Variants in FAM219A observed in about 807,000 individuals in gnomAD.
The protein encoded by FAM219A is family with sequence similarity 219 member A, also known as protein FAM219A.
FAM219A carries 7 observed loss-of-function variants against 23.4 expected under a neutral mutation model. The observed-to-expected ratio is 0.30, with a 90% CI of 0.17 to 0.56. The LOEUF (loss-of-function observed/expected upper bound fraction) is 0.56. FAM219A is among the 20% of genes least tolerant of loss of function. The pLI, the probability that FAM219A is intolerant of heterozygous loss-of-function variation, is 0.92. For missense variants in FAM219A, 166 were observed against 246.9 expected (o/e 0.67, Z 2.20); for synonymous variants, 93 against 99.0 (o/e 0.94, Z 0.36).
At chr9:34,438,456 T>G (rs372277431) in intron 1 of FAM219A, among the ~76,000 whole-genome samples, 1 of 152,174 alleles carries the variant, frequency 6.6e-6, no homozygotes, top group Admixed American at 6.5e-5. Context: ...GCTCAGGGAT[T>G]GTAACTACAC....
chr9:34,420,344 C>T (rs1429815020), intron 1 of FAM219A, among the ~76,000 whole-genome samples: 1 of 152,176 alleles, frequency 6.6e-6, no homozygotes, highest in Non-Finnish European at 1.5e-5. Flanking sequence ...CTCTGACATA[C>T]AAGATTGGGC....
In FAM219A at chr9:34,399,688, C is replaced by T. The variant is rs1821352599; in HGVS notation, c.*1276G>A. 1 of 152,148 alleles carries T rather than the reference C, an allele frequency of 6.6e-6. No homozygotes were observed. The highest frequency in any genetic ancestry group is 2.1e-4 in the South Asian group (1 of 4,824). 9.4% of individuals were successfully genotyped at this position (152,148 alleles called of 1,614,324 possible). ...ACTCTTTCAGGTATAAAAGGATCTT[C>T]AACATAATTTCAGCTGCTGTTCATT... On this transcript the variant is annotated 3_prime_UTR_variant, in exon 6 of 6. Coordinates refer to ENST00000651358, the MANE Select transcript of FAM219A (RefSeq NM_001184940.2).
chr9:34,417,941 G>C lies in FAM219A; in HGVS notation c.61-11977C>G, dbSNP rs1822096430. ...GCACTGCCTGGCAACTGGGCACTGT[G>C]CTTTAGCCAGTCCTCACCTGTGCCA... On this transcript the variant is annotated intron_variant, in intron 1 of 5. Transcript: ENST00000651358. This position sits in a 1 kb window ranked among gnomAD's most constrained non-coding sequence, Gnocchi z 4.1. Among the ~76,000 whole-genome samples, 1 of 152,266 alleles carries C rather than the reference G, an allele frequency of 6.6e-6. No homozygotes were observed. Among genetic ancestry groups the C allele is most frequent in the Admixed American group, 6.5e-5 (1 of 15,292 alleles).
At chr9:34,421,165 G>A (rs1306148421) in intron 1 of FAM219A, among the ~76,000 whole-genome samples, 9 of 152,022 alleles carry the variant, frequency 5.9e-5, no homozygotes, top group Admixed American at 5.9e-4. Context: ...GAGGCCTGGG[G>A]GCCAGCCTGG....
chr9:34,406,068 G>T, intron 1 of FAM219A, 104 bp from the exon 2 acceptor site: 1 of 1,190,646 alleles, frequency 8.4e-7, no homozygotes, highest in Non-Finnish European at 1.2e-6. Context: ...GGGCTTCTGT[G>T]AGCATTCACC....
intron 1 of FAM219A, among the ~76,000 whole-genome samples, chr9:34,442,012 T>C (rs1823192938): frequency 6.6e-6 from 1 of 152,190 alleles, no homozygotes; most frequent in African/African-American, 2.4e-5. Flanking sequence ...CCACTATGCC[T>C]AGCCAACTTT....
intron 1 of FAM219A, among the ~76,000 whole-genome samples, chr9:34,440,888 T>C (rs1823145673): frequency 6.6e-6 from 1 of 152,022 alleles, no homozygotes; most frequent in Non-Finnish European, 1.5e-5. Flanking sequence ...AAATGTTATC[T>C]TACTATGTTG....
chr9:34,402,948 C>T (rs1821504843), intron 2 of FAM219A, 141 bp from the exon 3 acceptor site: 3 of 683,120 alleles, frequency 4.4e-6, no homozygotes, highest in East Asian at 5.5e-5. Context: ...ACTCCAGGCC[C>T]CTGCTGCTTG....
intron 1 of FAM219A, among the ~76,000 whole-genome samples, chr9:34,428,484 T>C (rs1264954767): frequency 6.6e-6 from 1 of 152,202 alleles, no homozygotes; most frequent in Non-Finnish European, 1.5e-5. Flanking sequence ...TTCTCCCAGG[T>C]CAATGCCAGA....
chr9:34,416,894 CAT>C (rs1419381071), intron 1 of FAM219A, among the ~76,000 whole-genome samples: 1 of 145,164 alleles, frequency 6.9e-6, no homozygotes, highest in African/African-American at 2.6e-5. Context: ...CAGGCACAAT[CAT>C]AGCTTACTAC....
chr9:34,433,925 G>A (rs928179118), intron 1 of FAM219A, among the ~76,000 whole-genome samples: 3 of 152,110 alleles, frequency 2.0e-5, no homozygotes, highest in South Asian at 2.1e-4. Context: ...GGCCTCGGCC[G>A]GGCGCGGTGG....
chr9:34,416,248 A>G (rs1171443745), intron 1 of FAM219A, among the ~76,000 whole-genome samples: 3 of 116,294 alleles, frequency 2.6e-5, no homozygotes, highest in African/African-American at 9.9e-5. Flanking sequence ...AGAAAGAAAG[A>G]AAGAAAGAAA....
Position 34,405,926 on chromosome 9 carries a change from G to A in FAM219A, c.99C>T (p.Asp33=), listed in dbSNP as rs142907337. 4.0e-3 allele frequency: 6,405 copies of A among 1,613,370 alleles called. 15 individuals are homozygous for A. The highest frequency in any genetic ancestry group is 5.1e-3 in the Non-Finnish European group (6,016 of 1,179,602). Residue 33 remains aspartate (D), a synonymous_variant, in exon 2 of 6, where the codon GAC becomes GAT. Coordinates refer to ENST00000651358, the MANE Select transcript of FAM219A (RefSeq NM_001184940.2). ...TGGCTACTGACTCACCCTCCCGGGC[G>A]TCACAGTCTCCGTCAGAGATGGAGG... ...AAASISDGDC[D]AREGESVAMN...
Position 34,457,605 on chromosome 9 carries a change from C to G in FAM219A, c.60+599G>C, listed in dbSNP as rs1195840003. The stretch of plus-strand genomic sequence containing the variant: ...TCTGGTCGCCGCGCACTCTCCTTCC[C>G]GGTTTAGATGCCCCCAGCCTGGTCT... On this transcript the variant is annotated intron_variant, in intron 1 of 5. Coordinates refer to ENST00000651358, the MANE Select transcript of FAM219A (RefSeq NM_001184940.2). The surrounding 1 kb of genome is among the most constrained non-coding windows in gnomAD (Gnocchi z 5.1). The G allele has an allele frequency of 1.3e-5, 2 of 152,826 alleles. No homozygotes were observed. The highest frequency in any genetic ancestry group is 6.5e-5 in the Admixed American group (1 of 15,286). 9.5% of individuals were successfully genotyped at this position (152,826 alleles called of 1,614,324 possible).
Position 34,457,690 on chromosome 9 carries a change from C to G in FAM219A, c.60+514G>C, listed in dbSNP as rs1361728981. ...GTTCTGCACCAACCACCTTCCCCCA[C>G]TGGGTCCCTCGCCCCGGCCCAGCGT... On this transcript the variant is annotated intron_variant, in intron 1 of 5. Coordinates refer to ENST00000651358, the MANE Select transcript of FAM219A (RefSeq NM_001184940.2). This position sits in a 1 kb window ranked among gnomAD's most constrained non-coding sequence, Gnocchi z 5.1. 6.6e-6 allele frequency among the ~76,000 whole-genome samples: 1 copy of G among 152,204 alleles called. No individual in the cohort carries two copies. The highest frequency in any genetic ancestry group is 1.9e-4 in the East Asian group (1 of 5,182).
At chr9:34,418,214 A>G (rs1171142370) in intron 1 of FAM219A, among the ~76,000 whole-genome samples, 1 of 152,100 alleles carries the variant, frequency 6.6e-6, no homozygotes, top group Admixed American at 6.5e-5. Flanking sequence ...AAAAAAAAAA[A>G]AGGATTTGTT....
rs1229279088 is a variant in FAM219A at position 34,402,787 on chromosome 9, G to A, written c.181C>T (p.Arg61Trp). ...CTGCCATTCTTCAGGGAGCCCTTCCGGGCCAGCTCCCGCTGCTTCTCTGCA... is the reference window on the plus strand; with the variant it reads ...CTGCCATTCTTCAGGGAGCCCTTCCAGGCCAGCTCCCGCTGCTTCTCTGCA... ...VKLEKQRELA[R>W]KGSLKNGSMG... is the part of the protein sequence containing the mutation. Residue 61 changes from arginine to tryptophan, a missense_variant, in exon 3 of 6, where the codon CGG becomes TGG. Arg to Trp is a moderately radical substitution (Grantham distance 101). This residue lies in a region of FAM219A where 89 missense variants were observed against 98.8 expected (regional missense o/e 0.90). Transcript: ENST00000651358. 5 of 1,614,034 alleles carry A rather than the reference G, an allele frequency of 3.1e-6. No homozygotes were observed. The highest frequency in any genetic ancestry group is 4.2e-6 in the Non-Finnish European group (5 of 1,180,016).
intron 1 of FAM219A, among the ~76,000 whole-genome samples, chr9:34,450,942 A>C (rs72735223): frequency 6.6e-6 from 1 of 152,158 alleles, no homozygotes; most frequent in Non-Finnish European, 1.5e-5. Context: ...CCCCTCTTGC[A>C]TGCACACTCA....
chr9:34,402,319 T>G (rs939042670), intron 4 of FAM219A, 68 bp downstream of exon 4: 96 of 1,614,036 alleles, frequency 5.9e-5, no homozygotes, highest in Non-Finnish European at 7.9e-5. Flanking sequence ...AGGTGTGGCC[T>G]GTACAGCCCA....
Sources: allele counts gnomAD v4.1 joint callset (sites outside exome capture counted in the v4.1 genomes callset), GRCh38; gene constraint gnomAD v4.1.1; regional missense constraint gnomAD v4.1.1; non-coding constraint Gnocchi (gnomAD v3.1); transcripts MANE v1.5; gene names NCBI Gene and HGNC (gene_info 2026-07-23, HGNC 2026-07-21).